The following ZSWIM6 variants were observed in gnomAD, a reference collection of about 807,000 sequenced individuals.
ZSWIM6 encodes zinc finger SWIM-type containing 6.
A neutral mutation model predicts 113.2 loss-of-function variants in ZSWIM6; 9 were observed. The ratio of observed to expected loss-of-function variants is 0.08; its 90% CI spans 0.05 to 0.14. The LOEUF (loss-of-function observed/expected upper bound fraction) is 0.14. ZSWIM6 is among the 10% of genes least tolerant of loss of function. The probability of loss-of-function intolerance (pLI) is 1.00; values close to 1 mark genes in which losing one functional copy is unlikely to be tolerated. For synonymous variants in ZSWIM6, 611 were observed against 606.5 expected, an observed-to-expected ratio of 1.01 and a Z score of -0.11; for missense variants, 1,162 against 1,552.2, an observed-to-expected ratio of 0.75 and a Z score of 4.22.
At chr5:61,392,642 C>T (rs939837904) in intron 1 of ZSWIM6, among the ~76,000 whole-genome samples, 4 of 152,048 alleles carry the variant, frequency 2.6e-5, no homozygotes, top group Admixed American at 6.5e-5. Flanking sequence ...AGATGGAGTT[C>T]GGTGTTTTTA....
intron 1 of ZSWIM6, among the ~76,000 whole-genome samples, chr5:61,409,357 G>T (rs948820681): frequency 1.4e-4 from 21 of 152,064 alleles, no homozygotes; most frequent in Non-Finnish European, 2.5e-4. Flanking sequence ...CTACCAGAAA[G>T]AAATTGTAAA....
rs1298424230 is a variant in ZSWIM6 at position 61,472,350 on chromosome 5, C to A, written c.677-331C>A. Among the ~76,000 whole-genome samples the A allele has an allele frequency of 6.6e-6, 1 of 152,094 alleles. No individual in the cohort carries two copies. The highest frequency in any genetic ancestry group is 2.4e-5 in the African/African-American group (1 of 41,406). ...ATCTAGGGGATTATTGTGTTGTATACCACTGATTCAGAGCAGAGTAATGAT... is the reference window on the plus strand; with the variant it reads ...ATCTAGGGGATTATTGTGTTGTATAACACTGATTCAGAGCAGAGTAATGAT... On this transcript the variant is annotated intron_variant, in intron 1 of 13. Transcript: ENST00000252744. The surrounding 1 kb of genome is among the most constrained non-coding windows in gnomAD (Gnocchi z 4.1).
chr5:61,391,406 ACTT>A, intron 1 of ZSWIM6: 1 of 933,892 alleles, frequency 1.1e-6, no homozygotes, highest in Non-Finnish European at 1.8e-6. Context: ...ACTTGGCGGT[ACTT>A]CTTCATGCTG....
In ZSWIM6 at chr5:61,530,182, G is replaced by C; in HGVS notation, c.1968G>C (p.Gly656=). ...ACRIDDENLS[G]FSDFTENMGQ... ...GCATTGATGATGAGAACCTCTCTGG[G>C]TTCTCAGATTTTACAGGTAAAACCA... The change falls in exon 8 of 14, where the codon GGG becomes GGC. Residue 656 remains glycine, a synonymous_variant. Coordinates refer to ENST00000252744, the MANE Select transcript of ZSWIM6 (RefSeq NM_020928.2). The C allele has an allele frequency of 6.4e-7, 1 of 1,550,910 alleles. No homozygotes were observed. The highest frequency in any genetic ancestry group is 1.2e-5 in the South Asian group (1 of 83,948).
intron 4 of ZSWIM6, among the ~76,000 whole-genome samples, chr5:61,502,193 G>T (rs1431952657): frequency 6.6e-6 from 1 of 152,156 alleles, no homozygotes; most frequent in African/African-American, 2.4e-5. Context: ...GCTTCACAGA[G>T]AATCAGGGAT....
chr5:61,455,746 A>T (rs765726238), intron 1 of ZSWIM6, among the ~76,000 whole-genome samples: 18 of 152,176 alleles, frequency 1.2e-4, no homozygotes, highest in Non-Finnish European at 1.2e-4. Flanking sequence ...GTTCATAATG[A>T]TAACTTTGTG....
rs1399640179 is a variant in ZSWIM6, at chr5:61,333,046, C to T, written c.676+98C>T. On this transcript the variant is annotated intron_variant, in intron 1 of 13. Coordinates refer to ENST00000252744, the MANE Select transcript of ZSWIM6 (RefSeq NM_020928.2). ...CTCCTGCGGACAGCCCCTAGTTCCG[C>T]GCGCGCCCGCACCCCTGCGGGTGTC... 8 of 1,042,524 alleles carry T rather than the reference C, an allele frequency of 7.7e-6. No individual in the cohort carries two copies. In the East Asian group the frequency reaches 3.9e-4, roughly 51 times the overall value. 64.6% of individuals were successfully genotyped at this position (1,042,524 alleles called of 1,614,324 possible). A position where few individuals can be genotyped will look rare whatever the true frequency, so the allele number is the denominator to read the frequency against.
intron 1 of ZSWIM6, among the ~76,000 whole-genome samples, chr5:61,376,437 G>A (rs1166583951): frequency 1.3e-5 from 2 of 151,368 alleles, no homozygotes; most frequent in African/African-American, 4.9e-5. Context: ...CATGCTTCAC[G>A]GGGAGGTCAG....
intron 1 of ZSWIM6, among the ~76,000 whole-genome samples, chr5:61,350,751 T>G (rs930048449): frequency 6.6e-6 from 1 of 152,230 alleles, no homozygotes; most frequent in East Asian, 1.9e-4. Flanking sequence ...TGTCTTACTA[T>G]CCGTGTGCCT....
In ZSWIM6 at chr5:61,543,018, T is replaced by C. The variant is rs1469928636; in HGVS notation, c.2786-437T>C. Among the ~76,000 whole-genome samples the C allele has an allele frequency of 6.6e-6, 1 of 152,250 alleles. No homozygotes were observed. Among genetic ancestry groups the C allele is most frequent in the African/African-American group, 2.4e-5 (1 of 41,466 alleles). ...ATTATGGGCCACATTTTCCAGCTTC[T>C]TTGTGTGTTTTAAACTTTTGTATTA... On this transcript the variant is annotated intron_variant, in intron 13 of 13. Coordinates refer to ENST00000252744, the MANE Select transcript of ZSWIM6 (RefSeq NM_020928.2). This position sits in a 1 kb window ranked among gnomAD's most constrained non-coding sequence, Gnocchi z 4.3.
At chr5:61,506,613 T>C (rs1748629590) in intron 4 of ZSWIM6, among the ~76,000 whole-genome samples, 1 of 152,086 alleles carries the variant, frequency 6.6e-6, no homozygotes, top group Admixed American at 6.6e-5. Flanking sequence ...AAACATGGGA[T>C]GACTGACATA....
intron 1 of ZSWIM6, among the ~76,000 whole-genome samples, chr5:61,447,173 C>G (rs1746973079): frequency 6.6e-6 from 1 of 151,992 alleles, no homozygotes; most frequent in African/African-American, 2.4e-5. Context: ...TCCTGCTTTC[C>G]TGTTCAACAG....
At chr5:61,388,219 G>A (rs1485016598) in intron 1 of ZSWIM6, among the ~76,000 whole-genome samples, 3 of 152,112 alleles carry the variant, frequency 2.0e-5, no homozygotes, top group South Asian at 2.1e-4. Flanking sequence ...CTGGCCTCAT[G>A]TGATCCACCC....
intron 2 of ZSWIM6, among the ~76,000 whole-genome samples, chr5:61,480,713 G>A (rs910896853): frequency 6.6e-6 from 1 of 152,100 alleles, no homozygotes; most frequent in Non-Finnish European, 1.5e-5. Context: ...TTTTTCAGAG[G>A]TCTTCTAGTT....
At chr5:61,340,038 A>G (rs1357513477) in intron 1 of ZSWIM6, among the ~76,000 whole-genome samples, 5 of 152,208 alleles carry the variant, frequency 3.3e-5, no homozygotes, top group Admixed American at 3.3e-4. Flanking sequence ...TGTCTGTTAG[A>G]TAAAAACCTG....
At chr5:61,354,555 CA>C (rs1468877554) in intron 1 of ZSWIM6, among the ~76,000 whole-genome samples, 6 of 152,168 alleles carry the variant, frequency 3.9e-5, no homozygotes, top group African/African-American at 1.4e-4. Context: ...CATAGACACA[CA>C]AGTACATTTT....
chr5:61,399,993 G>C (rs950321818), intron 1 of ZSWIM6, among the ~76,000 whole-genome samples: 13 of 152,146 alleles, frequency 8.5e-5, no homozygotes, highest in African/African-American at 3.1e-4. Context: ...CGGAATCACA[G>C]GGTTGGAAGT....
At chr5:61,474,913 G>T (rs186337958) in intron 2 of ZSWIM6, among the ~76,000 whole-genome samples, 28 of 152,252 alleles carry the variant, frequency 1.8e-4, no homozygotes, top group African/African-American at 6.5e-4. Flanking sequence ...CTATCATAAG[G>T]TGTGTAAAGC....
chr5:61,450,291 C>T (rs1747059041), intron 1 of ZSWIM6, among the ~76,000 whole-genome samples: 1 of 152,070 alleles, frequency 6.6e-6, no homozygotes, highest in Admixed American at 6.6e-5. Flanking sequence ...CTTCTTTGCC[C>T]CACACATGAA....
Sources: gnomAD v4.1 joint callset for allele counts (sites outside exome capture counted in the v4.1 genomes callset) on GRCh38, gnomAD v4.1.1 for gene constraint, Gnocchi (gnomAD v3.1) non-coding constraint, MANE v1.5 for transcripts, NCBI Gene and HGNC (gene_info 2026-07-23, HGNC 2026-07-21) for gene names.